The following PTPRD variants were observed in gnomAD, a reference collection of about 807,000 sequenced individuals.
PTPRD encodes the protein receptor-type tyrosine-protein phosphatase delta.
A neutral mutation model predicts 214.5 loss-of-function variants in PTPRD; 34 were observed. The observed-to-expected ratio is 0.16, with a 90% CI of 0.12 to 0.21. PTPRD has a LOEUF of 0.21. PTPRD is among the 10% of genes least tolerant of loss of function. The pLI is 1.00. For missense variants in PTPRD, 2,545 were observed against 2,398.7 expected, an observed-to-expected ratio of 1.06 and a Z score of -1.27; for synonymous variants, 1,128 against 845.7, an observed-to-expected ratio of 1.33 and a Z score of -5.79.
chr9:10,392,248 T>C lies in PTPRD; in HGVS notation c.-599-51231A>G, dbSNP rs927968375. ...AATGTATGTATCCACAATATGGATTTAGTCACTAGCCACATGAGGATCAGG... is the reference window on the plus strand; with the variant it reads ...AATGTATGTATCCACAATATGGATTCAGTCACTAGCCACATGAGGATCAGG... On this transcript the variant is annotated intron_variant, in intron 2 of 45. Coordinates refer to ENST00000381196, the MANE Select transcript of PTPRD (RefSeq NM_002839.4). 3.3e-5 allele frequency among the ~76,000 whole-genome samples: 5 copies of C among 152,088 alleles called. No homozygotes were observed. The East Asian group carries it at 9.7e-4, about 30-fold the overall frequency.
chr9:9,110,366 CAG>C (rs1380419439), intron 10 of PTPRD, among the ~76,000 whole-genome samples: 1 of 152,086 alleles, frequency 6.6e-6, no homozygotes, highest in Non-Finnish European at 1.5e-5. Flanking sequence ...ACCTCAGAAT[CAG>C]AAACTTTGGG....
Position 10,321,598 on chromosome 9 carries a change from AAAGCGGGGGTGG to A in PTPRD, c.-545+19353_-545+19364del, listed in dbSNP as rs368359921. ...ATGAAACGATTTTGAAGGGGTTTTA[AAAGCGGGGGTGG>A]AATGGATAGCAACATAAATAATCTT... is the stretch of plus-strand genomic sequence containing the variant. On this transcript the variant is annotated intron_variant, in intron 3 of 45. Transcript: ENST00000381196. Among the ~76,000 whole-genome samples the A allele has an allele frequency of 4.9e-3, 745 of 152,194 alleles. 2 individuals carry two copies. Among genetic ancestry groups the A allele is most frequent in the Middle Eastern group, 0.02 (6 of 294 alleles).
rs190128432 is a variant in PTPRD, at chr9:10,314,910, G to A, written c.-545+26053C>T. On this transcript the variant is annotated intron_variant, in intron 3 of 45. Coordinates refer to ENST00000381196, the MANE Select transcript of PTPRD (RefSeq NM_002839.4). The stretch of plus-strand genomic sequence containing the variant: ...GAATTGCAGGTTTTCTCTGGTATTT[G>A]AGTGCTTGGTCATAAGTTTCTTCAG... 9.9e-4 allele frequency among the ~76,000 whole-genome samples: 151 copies of A among 151,956 alleles called. No homozygotes were observed. In the East Asian group the frequency reaches 0.018, roughly 18 times the overall value.
At chr9:8,443,121 G>C (rs2095603182) in intron 34 of PTPRD, among the ~76,000 whole-genome samples, 1 of 152,154 alleles carries the variant, frequency 6.6e-6, no homozygotes, top group Non-Finnish European at 1.5e-5. Context: ...CTCGAGCCTG[G>C]ACAACAGAGC....
chr9:9,192,815 AC>A (rs1455307688), intron 9 of PTPRD, among the ~76,000 whole-genome samples: 19 of 152,096 alleles, frequency 1.2e-4, no homozygotes, highest in African/African-American at 4.3e-4. Flanking sequence ...CAGAAAATCA[AC>A]TGTTAATAAA....
At chr9:9,276,137 G>C (rs1355777793) in intron 9 of PTPRD, among the ~76,000 whole-genome samples, 1 of 151,174 alleles carries the variant, frequency 6.6e-6, no homozygotes, top group East Asian at 2.0e-4. Flanking sequence ...CCCGTCAGTG[G>C]CACATTTTGG....
chr9:8,612,517 G>A (rs1484505842), intron 14 of PTPRD, among the ~76,000 whole-genome samples: 4 of 152,332 alleles, frequency 2.6e-5, no homozygotes, highest in African/African-American at 9.6e-5. Flanking sequence ...AAGCAAATCG[G>A]AAGGTAAGGA....
intron 5 of PTPRD, among the ~76,000 whole-genome samples, chr9:9,924,457 A>T (rs2083569075): frequency 6.6e-6 from 1 of 152,032 alleles, no homozygotes; most frequent in South Asian, 2.1e-4. Flanking sequence ...GCTCCTATTT[A>T]TAAAAATAAA....
At chr9:9,392,135 A>G in intron 9 of PTPRD, among the ~76,000 whole-genome samples, 1 of 152,194 alleles carries the variant, frequency 6.6e-6, no homozygotes, top group East Asian at 1.9e-4. Flanking sequence ...TTATTTCATT[A>G]TGGTCTTGCT....
chr9:8,660,308 G>A (rs901914321), intron 12 of PTPRD, among the ~76,000 whole-genome samples: 7 of 151,658 alleles, frequency 4.6e-5, no homozygotes, highest in Admixed American at 2.0e-4. Flanking sequence ...ATATTTAAAG[G>A]TTATAGGACT....
At chr9:8,331,023 A>G (rs1563987235) in intron 44 of PTPRD, among the ~76,000 whole-genome samples, 1 of 150,900 alleles carries the variant, frequency 6.6e-6, no homozygotes, top group East Asian at 1.9e-4. Context: ...ATTAACTTCA[A>G]TGACTTGAGT....
chr9:10,174,378 C>A (rs1180102594), intron 3 of PTPRD, among the ~76,000 whole-genome samples: 2 of 152,080 alleles, frequency 1.3e-5, no homozygotes, highest in African/African-American at 4.8e-5. Context: ...ACCAAGTGAC[C>A]TCTGCACAGG....
intron 3 of PTPRD, among the ~76,000 whole-genome samples, chr9:10,077,285 TA>T (rs2098147082): frequency 6.6e-6 from 1 of 152,262 alleles, no homozygotes; most frequent in Middle Eastern, 3.4e-3. Flanking sequence ...TACTTTTCTG[TA>T]AAATGTATCA....
chr9:10,210,054 G>A (rs2099508433), intron 3 of PTPRD, among the ~76,000 whole-genome samples: 1 of 151,982 alleles, frequency 6.6e-6, no homozygotes, highest in Non-Finnish European at 1.5e-5. Context: ...AGGTGAAAAA[G>A]TTTATTTCTG....
intron 2 of PTPRD, among the ~76,000 whole-genome samples, chr9:10,606,533 C>CTTTTT (rs34402701): frequency 7.0e-6 from 1 of 143,500 alleles, no homozygotes. Context: ...TCTTTATTTT[C>CTTTTT]TTTTTTTTTT....
rs760219032 is a variant in PTPRD at position 10,385,177 on chromosome 9, CA to C, written c.-599-44161del. ...TTTCCAAAAAGTTTATTACTCCAGC[CA>C]AAAGTAAGTTTATTCCCTTTTTAAT... On this transcript the variant is annotated intron_variant, in intron 2 of 45. Transcript: ENST00000381196. 7.2e-5 allele frequency among the ~76,000 whole-genome samples: 11 copies of C among 151,860 alleles called. No individual in the cohort carries two copies. In the East Asian group the frequency reaches 7.8e-4, roughly 11 times the overall value.
At position 9,463,114 on chromosome 9, in the gene PTPRD, T is replaced by C. The variant is rs370426062; in HGVS notation, c.-236-65632A>G. Among the ~76,000 whole-genome samples, 3 of 152,112 alleles carry C rather than the reference T, an allele frequency of 2.0e-5. No individual in the cohort carries two copies. In the South Asian group the frequency reaches 6.2e-4, roughly 32 times the overall value. On this transcript the variant is annotated intron_variant, in intron 8 of 45. Transcript: ENST00000381196. ...AGGAACAAAAGCCTTTGTGGCCTCT[T>C]CAGACTGAACCACAGGTCCTGGTAT...
At chr9:8,341,488 G>A (rs1019356289) in intron 40 of PTPRD, among the ~76,000 whole-genome samples, 1 of 151,960 alleles carries the variant, frequency 6.6e-6, no homozygotes, top group African/African-American at 2.4e-5. Context: ...TCTCAAGTTA[G>A]GAGACATAAG....
chr9:10,534,754 A>T (rs570178315), intron 2 of PTPRD, among the ~76,000 whole-genome samples: 1 of 152,280 alleles, frequency 6.6e-6, no homozygotes, highest in African/African-American at 2.4e-5. Context: ...TCTATTAATC[A>T]TCTGCATTTC....
Sources: allele counts gnomAD v4.1 joint callset (sites outside exome capture counted in the v4.1 genomes callset), GRCh38; gene constraint gnomAD v4.1.1; transcripts MANE v1.5; gene names NCBI Gene and HGNC (gene_info 2026-07-23, HGNC 2026-07-21).